GIMAP2: variants seen among roughly 807,000 people sequenced by gnomAD.
GIMAP2 encodes GTPase, IMAP family member 2.
Under a neutral mutation model 25.5 loss-of-function variants are expected in GIMAP2, and 22 were observed. That is an observed-to-expected ratio of 0.86 (90% CI 0.62 to 1.23). The LOEUF is 1.23. GIMAP2 is among the 50% of genes most tolerant of loss of function. The probability of loss-of-function intolerance (pLI) is 0.00; values close to 1 mark genes in which losing one functional copy is unlikely to be tolerated. For missense variants in GIMAP2, 422 were observed against 395.7 expected (o/e 1.07, Z -0.56); for synonymous variants, 167 against 143.0 (o/e 1.17, Z -1.20).
rs200032624 is a variant in GIMAP2 at position 150,692,999 on chromosome 7, A to C, written c.713A>C (p.Glu238Ala). 41 of 1,614,156 alleles carry C rather than the reference A, an allele frequency of 2.5e-5. No individual in the cohort carries two copies. In the East Asian group the frequency reaches 9.1e-4, roughly 36 times the overall value. Residue 238 changes from glutamate to alanine, a missense_variant, in exon 3 of 3, where the codon GAA becomes GCA. By Grantham distance (107) the Glu-to-Ala change is moderately radical. Coordinates refer to ENST00000223293, the MANE Select transcript of GIMAP2 (RefSeq NM_015660.3). ...GTGGGATCAGATGAAAGAGTAAAGG[A>C]ATTCAAACAGAGCCTTATAAAGTAC... ...GPVGSDERVK[E>A]FKQSLIKYME...
Position 150,693,629 on chromosome 7 carries a change from C to T in GIMAP2, c.*329C>T, listed in dbSNP as rs564815941. 6 of 194,064 alleles carry T rather than the reference C, an allele frequency of 3.1e-5. No individual in the cohort carries two copies. The East Asian group carries it at 8.3e-4, about 27-fold the overall frequency. The allele number at this position is 194,064 out of a possible 1,614,324, so 12.0% of individuals were successfully genotyped here. ...TGAAAATGGCAATAAAATAATATTA[C>T]ATAAACTGTAAAGTTCCTTTGATCA... On this transcript the variant is annotated 3_prime_UTR_variant, in exon 3 of 3. Coordinates refer to ENST00000223293, the MANE Select transcript of GIMAP2 (RefSeq NM_015660.3).
At chr7:150,687,184 A>G in intron 2 of GIMAP2, 97 bp downstream of exon 2, 1 of 1,074,522 alleles carries the variant, frequency 9.3e-7, no homozygotes, top group Admixed American at 1.9e-5. Flanking sequence ...TTGGGGCAAA[A>G]TAAACAAGGG....
intron 2 of GIMAP2, among the ~76,000 whole-genome samples, chr7:150,690,221 G>A (rs1023410941): frequency 1.4e-4 from 21 of 152,144 alleles, no homozygotes; most frequent in Non-Finnish European, 4.4e-5. Context: ...AGTCCAGGTG[G>A]CTTCTATAAC....
Position 150,692,805 on chromosome 7 carries a change from A to G in GIMAP2, c.519A>G (p.Ala173=). ...SDNKALSKLV[A]ACGGRICAFN... ...ACAAAGCCCTAAGCAAGCTGGTGGC[A>G]GCATGTGGTGGGCGAATCTGTGCCT... The change falls in exon 3 of 3, where the codon GCA becomes GCG. Residue 173 remains alanine, a synonymous_variant. Coordinates refer to ENST00000223293, the MANE Select transcript of GIMAP2 (RefSeq NM_015660.3). 6.2e-7 allele frequency: 1 copy of G among 1,614,266 alleles called. No homozygotes were observed. Among genetic ancestry groups the G allele is most frequent in the Non-Finnish European group, 8.5e-7 (1 of 1,180,050 alleles).
In GIMAP2 at chr7:150,692,826, T is replaced by C. The variant is rs748484310; in HGVS notation, c.540T>C (p.Cys180=). The C allele has an allele frequency of 6.2e-7, 1 of 1,614,198 alleles. No homozygotes were observed. Among genetic ancestry groups the C allele is most frequent in the South Asian group, 1.1e-5 (1 of 91,092 alleles). ...KLVAACGGRI[C]AFNNRAEGSN... is the part of the protein sequence containing the mutation. ...TGGCAGCATGTGGTGGGCGAATCTGTGCCTTTAATAACCGTGCTGAAGGGA... is the reference window on the plus strand; with the variant it reads ...TGGCAGCATGTGGTGGGCGAATCTGCGCCTTTAATAACCGTGCTGAAGGGA... Residue 180 remains cysteine (C), a synonymous_variant, in exon 3 of 3, where the codon TGT becomes TGC. Transcript: ENST00000223293.
intron 2 of GIMAP2, among the ~76,000 whole-genome samples, chr7:150,687,939 G>A (rs1796922770): frequency 6.6e-6 from 1 of 152,024 alleles, no homozygotes; most frequent in South Asian, 2.1e-4. Context: ...ACATCAAGAA[G>A]AGCCCAGATC....
At position 150,692,758 on chromosome 7, in the gene GIMAP2, G is replaced by T. The variant is rs267601409; in HGVS notation, c.472G>T (p.Asp158Tyr). Residue 158 changes from aspartate to tyrosine, a missense_variant, in exon 3 of 3, where the codon GAT (aspartate) becomes TAT (tyrosine). Coordinates refer to ENST00000223293, the MANE Select transcript of GIMAP2 (RefSeq NM_015660.3). ...AGACCTCAATGGTGGCTCCCTGATGGATTACATGCACGACTCAGATAACAA... is the reference window on the plus strand; with the variant it reads ...AGACCTCAATGGTGGCTCCCTGATGTATTACATGCACGACTCAGATAACAA... ...KEDLNGGSLMDYMHDSDNKAL... is the reference protein window; with the variant it reads ...KEDLNGGSLMYYMHDSDNKAL... The T allele has an allele frequency of 6.2e-7, 1 of 1,614,078 alleles. No homozygotes were observed.
chr7:150,693,576 C>A lies in GIMAP2; in HGVS notation c.*276C>A, dbSNP rs527653390. ...TTCCTAAAATCTCATTTTCTTCTTTCTAGTACTACTATTTCTACTGAATAT... is the reference window on the plus strand; with the variant it reads ...TTCCTAAAATCTCATTTTCTTCTTTATAGTACTACTATTTCTACTGAATAT... On this transcript the variant is annotated 3_prime_UTR_variant, in exon 3 of 3. Coordinates refer to ENST00000223293, the MANE Select transcript of GIMAP2 (RefSeq NM_015660.3). 3.3e-6 allele frequency: 1 copy of A among 305,592 alleles called. No individual in the cohort carries two copies. Among genetic ancestry groups the A allele is most frequent in the South Asian group, 6.4e-5 (1 of 15,572 alleles). The allele number at this position is 305,592 out of a possible 1,614,324, so 18.9% of individuals were successfully genotyped here. A position where few individuals can be genotyped will look rare whatever the true frequency, so the allele number is the denominator to read the frequency against.
rs1055657574 is a variant in GIMAP2 at position 150,692,928 on chromosome 7, T to C, written c.642T>C (p.Tyr214=). 2 of 1,614,060 alleles carry C rather than the reference T, an allele frequency of 1.2e-6. No individual in the cohort carries two copies. Among genetic ancestry groups the C allele is most frequent in the African/African-American group, 2.7e-5 (2 of 74,928 alleles). ...TGATGGAGAAAAATGGTGATCACTA[T>C]ACCAATGGGTTGTACAGCCTAATAC... ...DLLMEKNGDH[Y]TNGLYSLIQR... The change falls in exon 3 of 3, where the codon TAT becomes TAC. Residue 214 remains tyrosine (Y), a synonymous_variant. Coordinates refer to ENST00000223293, the MANE Select transcript of GIMAP2 (RefSeq NM_015660.3).
intron 2 of GIMAP2, among the ~76,000 whole-genome samples, chr7:150,689,099 C>T (rs1000485732): frequency 6.6e-6 from 1 of 152,214 alleles, no homozygotes; most frequent in African/African-American, 2.4e-5. Context: ...TGGCTCTAGT[C>T]AGCCTTCAAA....
intron 2 of GIMAP2, among the ~76,000 whole-genome samples, chr7:150,687,933 C>A (rs1796922709): frequency 6.6e-6 from 1 of 152,134 alleles, no homozygotes; most frequent in Admixed American, 6.5e-5. Flanking sequence ...TCTCTTACAT[C>A]AAGAAGAGCC....
rs1312507650 is a variant in GIMAP2, at chr7:150,692,601, AC to A, written c.319del (p.His107MetfsTer6). 2 of 1,613,818 alleles carry A rather than the reference AC, an allele frequency of 1.2e-6. No individual in the cohort carries two copies. The highest frequency in any genetic ancestry group is 2.7e-5 in the African/African-American group (2 of 74,852). On this transcript the variant is annotated frameshift_variant, in exon 3 of 3. Coordinates refer to ENST00000223293, the MANE Select transcript of GIMAP2 (RefSeq NM_015660.3). LOFTEE classifies it high-confidence loss of function. ...GGTGCTACTTGCTGTCTGCACCAGG[AC>A]CCCATGTGCTGCTCCTGGTGACTCA... ...QRCYLLSAPG[P>X]HVLLLVTQLG...
chr7:150,689,362 G>A lies in GIMAP2; in HGVS notation c.28+2275G>A, dbSNP rs2116503877. On this transcript the variant is annotated intron_variant, in intron 2 of 2. Transcript: ENST00000223293. Reference sequence around the variant, plus strand: ...TTAGAGACCCTCTCACTTGGCTTTGGATGCAGAGAATTCTCTTCCCTATAC... The same window carrying A: ...TTAGAGACCCTCTCACTTGGCTTTGAATGCAGAGAATTCTCTTCCCTATAC... 3 of 541,636 alleles carry A rather than the reference G, an allele frequency of 5.5e-6. No homozygotes were observed. The East Asian group carries it at 8.7e-5, about 16-fold the overall frequency. The allele number at this position is 541,636 out of a possible 1,614,324, so 33.6% of individuals were successfully genotyped here.
chr7:150,688,924 ACCCCTGGCTT>A (rs1796935552), intron 2 of GIMAP2, among the ~76,000 whole-genome samples: 1 of 152,092 alleles, frequency 6.6e-6, no homozygotes, highest in African/African-American at 2.4e-5. Context: ...CCCTCATGGC[ACCCCTGGCTT>A]CCTCTTGTAA....
At chr7:150,691,232 C>T (rs539050821) in intron 2 of GIMAP2, among the ~76,000 whole-genome samples, 1 of 152,336 alleles carries the variant, frequency 6.6e-6, no homozygotes, top group South Asian at 2.1e-4. Context: ...TTGGTTCTTC[C>T]ATGAACCTGC....
At chr7:150,687,316 A>G (rs1796915832) in intron 2 of GIMAP2, 1 of 423,242 alleles carries the variant, frequency 2.4e-6, no homozygotes, top group Admixed American at 3.7e-5. Context: ...TCTGTCACCC[A>G]GGCCGGAGTG....
chr7:150,691,604 C>A (rs1796965996), intron 2 of GIMAP2, among the ~76,000 whole-genome samples: 1 of 152,178 alleles, frequency 6.6e-6, no homozygotes, highest in South Asian at 2.1e-4. Flanking sequence ...GTCATGACCC[C>A]ACTCTGCCCA....
intron 2 of GIMAP2, chr7:150,689,540 G>A (rs538911888): frequency 8.2e-5 from 58 of 703,074 alleles, no homozygotes; most frequent in Admixed American, 3.2e-4. Flanking sequence ...AAGCTCCAGC[G>A]CGGTGTATCA....
chr7:150,687,882 C>G (rs1796921983), intron 2 of GIMAP2, among the ~76,000 whole-genome samples: 1 of 151,962 alleles, frequency 6.6e-6, no homozygotes, highest in Non-Finnish European at 1.5e-5. Context: ...TTTCCCACTC[C>G]CTCCTCCTCA....
Sources: allele counts gnomAD v4.1 joint callset (sites outside exome capture counted in the v4.1 genomes callset), GRCh38; gene constraint gnomAD v4.1.1; transcripts MANE v1.5; gene names NCBI Gene and HGNC (gene_info 2026-07-23, HGNC 2026-07-21).